The following DOK6 variants were observed in gnomAD, a reference collection of about 807,000 sequenced individuals.
The protein encoded by DOK6 is downstream of tyrosine kinase 6.
Under a neutral mutation model 44.0 loss-of-function variants are expected in DOK6, and 22 were observed. The ratio of observed to expected loss-of-function variants is 0.50; its 90% CI spans 0.36 to 0.71. The LOEUF (loss-of-function observed/expected upper bound fraction) is 0.71, where lower values mean the gene tolerates loss of function less well. DOK6 is among the 30% of genes least tolerant of loss of function. The pLI is 0.00. For synonymous variants in DOK6, 166 were observed against 145.5 expected, an observed-to-expected ratio of 1.14 and a Z score of -1.01; for missense variants, 340 against 416.4, an observed-to-expected ratio of 0.82 and a Z score of 1.60.
At chr18:69,802,327 C>T (rs986347970) in intron 7 of DOK6, among the ~76,000 whole-genome samples, 4 of 152,162 alleles carry the variant, frequency 2.6e-5, no homozygotes, top group Non-Finnish European at 4.4e-5. Flanking sequence ...GCATTCGGTA[C>T]GCTCCTTGAC....
At chr18:69,751,020 C>A (rs74622549) in intron 6 of DOK6, among the ~76,000 whole-genome samples, 4,770 of 152,036 alleles carry the variant, frequency 0.031, 135 homozygotes, top group East Asian at 0.087. Context: ...AAGACAAATA[C>A]CATGTATTCT....
chr18:69,563,796 T>C (rs1185750327), intron 1 of DOK6, among the ~76,000 whole-genome samples: 1 of 151,278 alleles, frequency 6.6e-6, no homozygotes, highest in African/African-American at 2.4e-5. Context: ...AAACTTAAAG[T>C]ATAATAAAAA....
At chr18:69,610,580 C>A (rs1984114744) in intron 3 of DOK6, among the ~76,000 whole-genome samples, 1 of 152,104 alleles carries the variant, frequency 6.6e-6, no homozygotes, top group African/African-American at 2.4e-5. Flanking sequence ...TCAGGCAAAG[C>A]AACCACCCAA....
intron 5 of DOK6, among the ~76,000 whole-genome samples, chr18:69,717,411 T>A (rs1461606165): frequency 6.6e-6 from 1 of 152,228 alleles, no homozygotes; most frequent in Non-Finnish European, 1.5e-5. Context: ...AATAAGTGCT[T>A]ATAAACAAAA....
intron 5 of DOK6, among the ~76,000 whole-genome samples, chr18:69,726,302 T>C (rs1292017181): frequency 6.6e-6 from 1 of 152,216 alleles, no homozygotes; most frequent in East Asian, 1.9e-4. Context: ...TCAATCCTTG[T>C]TGATTTTTAT....
intron 7 of DOK6, among the ~76,000 whole-genome samples, chr18:69,802,117 G>A (rs896951362): frequency 1.3e-5 from 2 of 152,024 alleles, no homozygotes; most frequent in Non-Finnish European, 2.9e-5. Context: ...CCATGATAAG[G>A]CACATAATGT....
chr18:69,824,590 A>C (rs1234872163), intron 7 of DOK6, among the ~76,000 whole-genome samples: 1 of 152,184 alleles, frequency 6.6e-6, no homozygotes, highest in Non-Finnish European at 1.5e-5. Flanking sequence ...CAAACTCCTA[A>C]GCTCAAGTGA....
At chr18:69,543,354 C>T (rs1982318594) in intron 1 of DOK6, among the ~76,000 whole-genome samples, 1 of 151,516 alleles carries the variant, frequency 6.6e-6, no homozygotes, top group Non-Finnish European at 1.5e-5. Flanking sequence ...GAACAGAGAA[C>T]AAGTGAGAAG....
At chr18:69,599,312 T>G (rs936097905) in intron 2 of DOK6, 72 bp from the exon 3 acceptor site, 30 of 1,018,312 alleles carry the variant, frequency 2.9e-5, no homozygotes, top group Non-Finnish European at 4.0e-5. Context: ...TGATAACTTA[T>G]CATTTTGTTT....
intron 5 of DOK6, among the ~76,000 whole-genome samples, chr18:69,733,490 A>G (rs917512916): frequency 1.3e-5 from 2 of 152,222 alleles, no homozygotes; most frequent in African/African-American, 4.8e-5. Context: ...AAATCTAGCT[A>G]GTTAACATAT....
chr18:69,631,862 G>C (rs549971211), intron 3 of DOK6, among the ~76,000 whole-genome samples: 6 of 152,132 alleles, frequency 3.9e-5, no homozygotes, highest in African/African-American at 1.4e-4. Flanking sequence ...AAATACATTT[G>C]TTTATGTAAG....
intron 1 of DOK6, among the ~76,000 whole-genome samples, chr18:69,451,644 T>C (rs557762731): frequency 1.8e-5 from 1 of 54,692 alleles, no homozygotes; most frequent in Non-Finnish European, 3.3e-5. Context: ...TATTCCAAAA[T>C]TGACCACATA....
At chr18:69,779,388 T>C (rs886802643) in intron 7 of DOK6, among the ~76,000 whole-genome samples, 1 of 151,820 alleles carries the variant, frequency 6.6e-6, no homozygotes, top group Admixed American at 6.6e-5. Flanking sequence ...GCAGAGACTA[T>C]CTCCACCTCC....
intron 1 of DOK6, among the ~76,000 whole-genome samples, chr18:69,489,591 C>T (rs1023918861): frequency 2.6e-5 from 4 of 152,146 alleles, no homozygotes; most frequent in Non-Finnish European, 5.9e-5. Flanking sequence ...AGAAATTTGC[C>T]TGGCTTCCCC....
Position 69,698,538 on chromosome 18 carries a change from A to G in DOK6, c.544A>G (p.Ser182Gly). The stretch of plus-strand genomic sequence containing the variant: ...GGTCAAACTGGTGATGTGGCCTCTC[A>G]GCTCACTGAGGAGATACGGTCGGGA... ...AKVKLVMWPL[S>G]SLRRYGRDST... is the part of the protein sequence containing the mutation. The change falls in exon 5 of 8, where the codon AGC becomes GGC. Residue 182 changes from serine to glycine, a missense_variant. Physicochemically the swap from Ser to Gly is moderately conservative, Grantham distance 56. Coordinates refer to ENST00000382713, the MANE Select transcript of DOK6 (RefSeq NM_152721.6). 1 of 1,614,088 alleles carries G rather than the reference A, an allele frequency of 6.2e-7. No individual in the cohort carries two copies. Among genetic ancestry groups the G allele is most frequent in the Non-Finnish European group, 8.5e-7 (1 of 1,179,962 alleles).
At chr18:69,715,095 G>A (rs1198641149) in intron 5 of DOK6, among the ~76,000 whole-genome samples, 2 of 152,180 alleles carry the variant, frequency 1.3e-5, no homozygotes, top group African/African-American at 2.4e-5. Context: ...TTAAGGCCAT[G>A]TAAGGAAGTG....
chr18:69,467,228 AAAGAG>A (rs1383519009), intron 1 of DOK6, among the ~76,000 whole-genome samples: 1 of 152,178 alleles, frequency 6.6e-6, no homozygotes, highest in Non-Finnish European at 1.5e-5. Context: ...ATAGCTGCCT[AAAGAG>A]AAGAGGTCAT....
chr18:69,554,283 AC>A (rs1355937242), intron 1 of DOK6, among the ~76,000 whole-genome samples: 1 of 152,136 alleles, frequency 6.6e-6, no homozygotes, highest in Non-Finnish European at 1.5e-5. Context: ...TCCCATTCAC[AC>A]CAGGACCTCC....
intron 1 of DOK6, among the ~76,000 whole-genome samples, chr18:69,416,189 GGAACGAAGGA>G (rs1568250421): frequency 7.2e-6 from 1 of 139,742 alleles, no homozygotes; most frequent in African/African-American, 2.9e-5. Flanking sequence ...AACGAAGGAA[GGAACGAAGGA>G]AGGAAGGAAG....
Sources: allele counts gnomAD v4.1 joint callset (sites outside exome capture counted in the v4.1 genomes callset), GRCh38; gene constraint gnomAD v4.1.1; transcripts MANE v1.5; gene names NCBI Gene and HGNC (gene_info 2026-07-23, HGNC 2026-07-21).